Variants in LRP1 observed in about 807,000 individuals in gnomAD.
LRP1 encodes the protein LDL receptor related protein 1, also known as prolow-density lipoprotein receptor-related protein 1.
In LRP1, 51 loss-of-function variants were observed where a neutral mutation model predicts 541.5. The observed-to-expected ratio is 0.09, with a 90% confidence interval of 0.08 to 0.12. LRP1 has a LOEUF of 0.12. Ranked by LOEUF, LRP1 falls within the 10% of genes least tolerant of loss-of-function variation. The pLI is 1.00. For synonymous variants in LRP1, 2,219 were observed against 2,470.8 expected, an observed-to-expected ratio of 0.90 and a Z score of 3.02; for missense variants, 3,878 against 6,376.2, an observed-to-expected ratio of 0.61 and a Z score of 13.34.
In LRP1 at chr12:57,128,765, C is replaced by T; in HGVS notation, c.-200C>T. The stretch of plus-strand genomic sequence containing the variant: ...GGATTTCGGGGCAGGGGGCGCACCC[C>T]CGTCAGCAGGCCCTCCCCAAGGGGC... On this transcript the variant is annotated 5_prime_UTR_variant, in exon 1 of 89. Coordinates refer to ENST00000243077, the MANE Select transcript of LRP1 (RefSeq NM_002332.3). The T allele has an allele frequency of 4.3e-6, 2 of 460,692 alleles. No individual in the cohort carries two copies. The highest frequency in any genetic ancestry group is 7.8e-6 in the Non-Finnish European group (2 of 255,206). The allele number at this position is 460,692 out of a possible 1,614,324, so 28.5% of individuals were successfully genotyped here. A position where few individuals can be genotyped will look rare whatever the true frequency, so the allele number is the denominator to read the frequency against.
intron 22 of LRP1, 121 bp from the exon 23 acceptor site, chr12:57,175,339 C>A: frequency 2.6e-6 from 3 of 1,158,498 alleles, no homozygotes; most frequent in Non-Finnish European, 3.7e-6. Context: ...ACGAATGGGG[C>A]CGTGGGCAGG....
At position 57,195,095 on chromosome 12, in the gene LRP1, C is replaced by G; in HGVS notation, c.8302C>G (p.His2768Asp). ...DCGDGSDEAAHCEGKTCGPSS... is the reference protein window; with the variant it reads ...DCGDGSDEAADCEGKTCGPSS... ...TGGGGATGGCTCAGACGAGGCTGCT[C>G]ACTGTGGTAAGGAAGCTGGGATTGG... Residue 2768 changes from histidine (H) to aspartate (D), a missense_variant, in exon 51 of 89, where the codon CAC (histidine) becomes GAC (aspartate). Coordinates refer to ENST00000243077, the MANE Select transcript of LRP1 (RefSeq NM_002332.3). 1 of 1,613,284 alleles carries G rather than the reference C, an allele frequency of 6.2e-7. No individual in the cohort carries two copies. The highest frequency in any genetic ancestry group is 1.1e-5 in the South Asian group (1 of 91,070).
Position 57,189,317 on chromosome 12 carries a change from G to C in LRP1, c.7032-1488G>C, listed in dbSNP as rs990065518. ...TTCCTGGTGGGGACTGACAGGCCAA[G>C]TCCAATCCTGACAAGCCAGGAAGAT... On this transcript the variant is annotated intron_variant, in intron 42 of 88. Coordinates refer to ENST00000243077, the MANE Select transcript of LRP1 (RefSeq NM_002332.3). This position sits in a 1 kb window ranked among gnomAD's most constrained non-coding sequence, Gnocchi z 4.4. Among the ~76,000 whole-genome samples the C allele has an allele frequency of 1.3e-5, 2 of 152,172 alleles. No individual in the cohort carries two copies. Among genetic ancestry groups the C allele is most frequent in the African/African-American group, 4.8e-5 (2 of 41,422 alleles).
rs1565715383 is a variant in LRP1, at chr12:57,143,581, G to A, written c.329-98G>A. 8 of 1,454,908 alleles carry A rather than the reference G, an allele frequency of 5.5e-6. No homozygotes were observed. In the East Asian group the frequency reaches 1.8e-4, roughly 34 times the overall value. The allele number at this position is 1,454,908 out of a possible 1,614,324, so 90.1% of individuals were successfully genotyped here. On this transcript the variant is annotated intron_variant, in intron 3 of 88. Coordinates refer to ENST00000243077, the MANE Select transcript of LRP1 (RefSeq NM_002332.3). ...CTCTGACACTGCAGCCCTTAGAAGT[G>A]GTTTCTGAAGGTTGACTGGGTTTAG...
rs1317776470 is a variant in LRP1, at chr12:57,173,117, G to A, written c.3164-51G>A. ...GTGGCAGGGCACAGGGATGAGGAGG[G>A]CTGACCTGGGCAACCCCTCCCTCCT... On this transcript the variant is annotated intron_variant, in intron 20 of 88. Transcript: ENST00000243077. This position sits in a 1 kb window ranked among gnomAD's most constrained non-coding sequence, Gnocchi z 4.7. 1 of 1,497,316 alleles carries A rather than the reference G, an allele frequency of 6.7e-7. No individual in the cohort carries two copies. The highest frequency in any genetic ancestry group is 9.1e-7 in the Non-Finnish European group (1 of 1,103,518). The allele number at this position is 1,497,316 out of a possible 1,614,324, so 92.8% of individuals were successfully genotyped here.
At position 57,196,985 on chromosome 12, in the gene LRP1, C is replaced by T. The variant is rs756570852; in HGVS notation, c.8896C>T (p.Arg2966Cys). Residue 2966 changes from arginine (R) to cysteine (C), a missense_variant, in exon 56 of 89, where the codon CGC becomes TGC. Around this residue, in one of 13 missense-constraint regions of LRP1, gnomAD observed 1,100 missense variants for 1,827.4 expected, o/e 0.60. Transcript: ENST00000243077. ...CEDLKIGFKC[R>C]CRPGFRLKDD... ...CCAAGGCTCCCTGTGCCTGCAGTGC[C>T]GCTGTCGCCCTGGCTTCCGGCTGAA... 10 of 1,609,268 alleles carry T rather than the reference C, an allele frequency of 6.2e-6. No homozygotes were observed. Among genetic ancestry groups the T allele is most frequent in the African/African-American group, 1.3e-5 (1 of 74,994 alleles).
In LRP1 at chr12:57,156,230, G is replaced by A. The variant is rs756622805; in HGVS notation, c.1364G>A (p.Arg455Gln). Residue 455 changes from arginine (R) to glutamine (Q), a missense_variant, in exon 9 of 89, where the codon CGG (arginine) becomes CAG (glutamine). Arg to Gln is a conservative substitution (Grantham distance 43). This residue lies in a region of LRP1 where 496 missense variants were observed against 861.0 expected (regional missense o/e 0.58). Transcript: ENST00000243077. This position sits in a 1 kb window ranked among gnomAD's most constrained non-coding sequence, Gnocchi z 5.2. ...FNSTEYQVVT[R>Q]VDKGGALHIY... ...AGCACCGAGTACCAGGTTGTCACCC[G>A]GGTGGACAAGGGTGGTGCCCTCCAC... is the stretch of plus-strand genomic sequence containing the variant. 1.2e-5 allele frequency: 19 copies of A among 1,614,010 alleles called. No individual in the cohort carries two copies. The highest frequency in any genetic ancestry group is 5.0e-5 in the Admixed American group (3 of 60,000).
chr12:57,141,383 G>A lies in LRP1; in HGVS notation c.200G>A (p.Ser67Asn), dbSNP rs866910088. The A allele has an allele frequency of 6.2e-7, 1 of 1,614,198 alleles. No homozygotes were observed. Among genetic ancestry groups the A allele is most frequent in the African/African-American group, 1.3e-5 (1 of 75,048 alleles). Residue 67 changes from serine (S) to asparagine (N), a missense_variant, in exon 3 of 89, where the codon AGT becomes AAT. Coordinates refer to ENST00000243077, the MANE Select transcript of LRP1 (RefSeq NM_002332.3). ...TTCTGTCTGCCCTCAGGTCCACAGA[G>A]TAAGGCCCAGCGATGCCAGCCAAAC... ...SDEAPEICPQ[S>N]KAQRCQPNEH... is the part of the protein sequence containing the mutation.
chr12:57,190,692 G>T (rs1476962231), intron 42 of LRP1, 113 bp from the exon 43 acceptor site: 3 of 856,916 alleles, frequency 3.5e-6, no homozygotes, highest in Non-Finnish European at 5.6e-6. Flanking sequence ...TGGCTCTGGG[G>T]TGGCTTTGCC....
At chr12:57,193,426 C>T (rs1055336452) in intron 46 of LRP1, 122 bp downstream of exon 46, 39 of 1,506,504 alleles carry the variant, frequency 2.6e-5, no homozygotes, top group Non-Finnish European at 3.4e-5. Flanking sequence ...TTTGGGAGCT[C>T]ATGAAGGGCA....
intron 2 of LRP1, among the ~76,000 whole-genome samples, chr12:57,139,780 G>A (rs930091040): frequency 2.0e-5 from 3 of 152,136 alleles, no homozygotes; most frequent in Non-Finnish European, 4.4e-5. Flanking sequence ...TATACTCAGA[G>A]AGATGTCCCC....
At chr12:57,141,205 G>T (rs2035282609) in intron 2 of LRP1, among the ~76,000 whole-genome samples, 169 bp from the exon 3 acceptor site, 1 of 152,160 alleles carries the variant, frequency 6.6e-6, no homozygotes, top group African/African-American at 2.4e-5. Flanking sequence ...CAGGTGTGTG[G>T]CTACTGTGGG....
rs1555188382 is a variant in LRP1 at position 57,206,709 on chromosome 12, C to T, written c.11827C>T (p.Arg3943Ter). ...APPTTSNRHR[R>*]QIDRGVTHLN... The stretch of plus-strand genomic sequence containing the variant: ...TCCTACCACTTCCAACCGCCACCGG[C>T]GACAGATTGACCGGGGTGTCACCCA... Residue 3943 changes from arginine to a stop codon, truncating the protein, a stop_gained, in exon 76 of 89, where the codon CGA becomes TGA. Coordinates refer to ENST00000243077, the MANE Select transcript of LRP1 (RefSeq NM_002332.3). LOFTEE classifies it high-confidence loss of function. This position sits in a 1 kb window ranked among gnomAD's most constrained non-coding sequence, Gnocchi z 4.7. The T allele has an allele frequency of 6.2e-7, 1 of 1,613,268 alleles. No individual in the cohort carries two copies. Among genetic ancestry groups the T allele is most frequent in the Non-Finnish European group, 8.5e-7 (1 of 1,180,028 alleles).
chr12:57,201,176 G>A lies in LRP1; in HGVS notation c.10345+23G>A, dbSNP rs1295483533. 4 of 1,612,800 alleles carry A rather than the reference G, an allele frequency of 2.5e-6. No individual in the cohort carries two copies. The highest frequency in any genetic ancestry group is 3.4e-6 in the Non-Finnish European group (4 of 1,179,088). On this transcript the variant is annotated intron_variant, in intron 65 of 88. Transcript: ENST00000243077. This position sits in a 1 kb window ranked among gnomAD's most constrained non-coding sequence, Gnocchi z 6.4. ...GCCGTGAGTGTCAGAGGTGGTGGTGGGCCGGTGGTGGGAGATGACACGGAA... is the reference window on the plus strand; with the variant it reads ...GCCGTGAGTGTCAGAGGTGGTGGTGAGCCGGTGGTGGGAGATGACACGGAA...
rs146670367 is a variant in LRP1 at position 57,195,334 on chromosome 12, G to A, written c.8372G>A (p.Arg2791His). The change falls in exon 52 of 89, where the codon CGC (arginine) becomes CAC (histidine). Residue 2791 changes from arginine (R) to histidine (H), a missense_variant. Physicochemically the swap from Arg to His is conservative, Grantham distance 29. Transcript: ENST00000243077. The part of the protein sequence containing the change: ...CPGTHVCVPE[R>H]WLCDGDKDCA... ...GGCACCCACGTGTGCGTCCCCGAGCGCTGGCTCTGTGACGGTGACAAAGAC... is the reference window on the plus strand; with the variant it reads ...GGCACCCACGTGTGCGTCCCCGAGCACTGGCTCTGTGACGGTGACAAAGAC... 21 of 1,612,840 alleles carry A rather than the reference G, an allele frequency of 1.3e-5. No homozygotes were observed. The highest frequency in any genetic ancestry group is 5.0e-5 in the Admixed American group (3 of 60,028).
At position 57,204,414 on chromosome 12, in the gene LRP1, G is replaced by C. The variant is rs757503767; in HGVS notation, c.10956G>C (p.Arg3652=). ...SDEEACGTGV[R]TCPLDEFQCN... ...CTTGGCTCCCCCTGGCACCAGTGCG[G>C]ACCTGCCCCCTGGACGAGTTCCAGT... Residue 3652 remains arginine (R), a synonymous_variant, in exon 71 of 89, where the codon CGG becomes CGC. Transcript: ENST00000243077. This position sits in a 1 kb window ranked among gnomAD's most constrained non-coding sequence, Gnocchi z 5.3. The C allele has an allele frequency of 6.5e-7, 1 of 1,544,594 alleles. No homozygotes were observed.
At chr12:57,202,868 C>T in intron 68 of LRP1, 1 of 569,158 alleles carries the variant, frequency 1.8e-6, no homozygotes, top group Non-Finnish European at 3.1e-6. Flanking sequence ...ATTGACCTCT[C>T]CCCAAACCCT....
intron 44 of LRP1, among the ~76,000 whole-genome samples, chr12:57,191,836 TA>T (rs2036393501): frequency 1.3e-4 from 2 of 15,942 alleles, no homozygotes; most frequent in South Asian, 2.0e-3. Context: ...ACCACACACA[TA>T]CCACACACAC....
chr12:57,178,963 C>T lies in LRP1; in HGVS notation c.4680C>T (p.Thr1560=), dbSNP rs200969987. Residue 1560 remains threonine, a synonymous_variant, in exon 28 of 89, where the codon ACC becomes ACT. Coordinates refer to ENST00000243077, the MANE Select transcript of LRP1 (RefSeq NM_002332.3). The surrounding 1 kb of genome is among the most constrained non-coding windows in gnomAD (Gnocchi z 5.8). ...SHLCLINYNR[T]VSCACPHLMK... is the part of the protein sequence containing the mutation. ...TGTGTCTCATCAACTACAACCGGAC[C>T]GTGTCCTGCGCCTGCCCCCACCTCA... 2.9e-5 allele frequency: 47 copies of T among 1,614,146 alleles called. No homozygotes were observed. In the African/African-American group the frequency reaches 3.1e-4, roughly 11 times the overall value.
Sources: allele counts gnomAD v4.1 joint callset (sites outside exome capture counted in the v4.1 genomes callset), GRCh38; gene constraint gnomAD v4.1.1; regional missense constraint gnomAD v4.1.1; non-coding constraint Gnocchi (gnomAD v3.1); transcripts MANE v1.5; gene names NCBI Gene and HGNC (gene_info 2026-07-23, HGNC 2026-07-21).